Variants in FSTL4 observed in about 807,000 individuals in gnomAD.
FSTL4 encodes follistatin-related protein 4.
A neutral mutation model predicts 78.2 loss-of-function variants in FSTL4; 28 were observed. That is an observed-to-expected ratio of 0.36 (90% CI 0.27 to 0.49). The LOEUF is 0.49. Ranked by LOEUF, FSTL4 falls within the 20% of genes least tolerant of loss-of-function variation. The pLI, the probability that FSTL4 is intolerant of heterozygous loss-of-function variation, is 0.98. For missense variants in FSTL4, 922 were observed against 1,084.9 expected (o/e 0.85, Z 2.11); for synonymous variants, 422 against 440.5 (o/e 0.96, Z 0.53).
intron 6 of FSTL4, among the ~76,000 whole-genome samples, chr5:133,267,750 G>C (rs1752677714): frequency 6.6e-6 from 1 of 152,200 alleles, no homozygotes; most frequent in Non-Finnish European, 1.5e-5. Flanking sequence ...CTGCTAGATA[G>C]GTTCCAAGTG....
chr5:133,302,659 G>A (rs1031942754), intron 6 of FSTL4, among the ~76,000 whole-genome samples: 1 of 152,168 alleles, frequency 6.6e-6, no homozygotes, highest in Non-Finnish European at 1.5e-5. Context: ...GTGCCAAACC[G>A]AGGGGTGACT....
intron 3 of FSTL4, among the ~76,000 whole-genome samples, chr5:133,446,435 TAAC>T (rs1367409274): frequency 2.6e-5 from 4 of 152,084 alleles, no homozygotes; most frequent in African/African-American, 9.7e-5. Flanking sequence ...GACTCTGTCT[TAAC>T]AACAACAACC....
At chr5:133,358,591 CTTTTT>C (rs1173835923) in intron 4 of FSTL4, among the ~76,000 whole-genome samples, 2 of 115,424 alleles carry the variant, frequency 1.7e-5, no homozygotes. Context: ...GGTTCTATTT[CTTTTT>C]TTTTTTTTTT....
intron 4 of FSTL4, among the ~76,000 whole-genome samples, chr5:133,363,355 G>A (rs572026824): frequency 6.6e-6 from 1 of 152,118 alleles, no homozygotes; most frequent in Admixed American, 6.5e-5. Context: ...TCAGGTTATG[G>A]GGGAGTCATT....
intron 4 of FSTL4, among the ~76,000 whole-genome samples, chr5:133,372,269 G>GTATCTATCTATCTATC (rs70974084): frequency 7.0e-6 from 1 of 142,926 alleles, no homozygotes; most frequent in African/African-American, 2.6e-5. Flanking sequence ...ATGTATGTAT[G>GTATCTATCTATCTATC]TATCTATCTA....
rs531982578 is a variant in FSTL4 at position 133,228,180 on chromosome 5, T to C, written c.1016-2361A>G. ...AGGTTGAGGCTGTAGTGAGCCATGA[T>C]TGTGCCGCTGCACTCCAGCCTGGGT... On this transcript the variant is annotated intron_variant, in intron 8 of 15. Transcript: ENST00000265342. Among the ~76,000 whole-genome samples the C allele has an allele frequency of 8.3e-4, 127 of 152,288 alleles. 1 individual carries two copies. Among genetic ancestry groups the C allele is most frequent in the Non-Finnish European group, 1.4e-3 (96 of 68,036 alleles).
chr5:133,529,395 A>C (rs1561458178), intron 3 of FSTL4, among the ~76,000 whole-genome samples: 1 of 152,182 alleles, frequency 6.6e-6, no homozygotes, highest in African/African-American at 2.4e-5. Flanking sequence ...CTTCCCTATG[A>C]GACAAAAACC....
At chr5:133,800,421 C>T in the FSTL4 span, among the ~76,000 whole-genome samples, 1 of 138,604 alleles carries the variant, frequency 7.2e-6, no homozygotes, top group African/African-American at 2.6e-5. Flanking sequence ...CTAACACTAA[C>T]GATAGCTGAT....
the FSTL4 span, among the ~76,000 whole-genome samples, chr5:133,716,464 A>G: frequency 2.0e-5 from 3 of 151,940 alleles, no homozygotes; most frequent in African/African-American, 4.8e-5. Flanking sequence ...TGTTTGCCAA[A>G]TTTCATTTCA....
intron 3 of FSTL4, among the ~76,000 whole-genome samples, chr5:133,443,241 T>G (rs566386637): frequency 6.6e-6 from 1 of 152,236 alleles, no homozygotes; most frequent in African/African-American, 2.4e-5. Flanking sequence ...ATCATTCCTA[T>G]CTGAGATTTC....
the FSTL4 span, among the ~76,000 whole-genome samples, chr5:133,794,321 A>G: frequency 1.3e-5 from 2 of 152,226 alleles, no homozygotes; most frequent in African/African-American, 4.8e-5. Context: ...AGCGATGCAG[A>G]CATAACACTA....
chr5:133,787,477 A>C, the FSTL4 span, among the ~76,000 whole-genome samples: 1 of 152,198 alleles, frequency 6.6e-6, no homozygotes, highest in Non-Finnish European at 1.5e-5. Flanking sequence ...TCACAAAACC[A>C]TGTCTTCCTG....
intron 6 of FSTL4, among the ~76,000 whole-genome samples, chr5:133,287,739 G>A (rs112061902): frequency 3.3e-5 from 5 of 152,288 alleles, no homozygotes; most frequent in South Asian, 4.2e-4. Flanking sequence ...CAGCAGTGCC[G>A]TTTCTTGAAT....
the FSTL4 span, among the ~76,000 whole-genome samples, chr5:133,742,094 A>T: frequency 2.6e-5 from 4 of 152,358 alleles, no homozygotes; most frequent in Admixed American, 2.6e-4. Context: ...TCACTACATC[A>T]GTGCCATGGA....
the FSTL4 span, among the ~76,000 whole-genome samples, chr5:133,800,965 C>T: frequency 6.6e-6 from 1 of 152,206 alleles, no homozygotes; most frequent in Non-Finnish European, 1.5e-5. Context: ...TGGGGAGCAG[C>T]CTTCATCCAT....
chr5:133,536,533 T>A (rs1759352893), intron 3 of FSTL4, among the ~76,000 whole-genome samples: 1 of 152,126 alleles, frequency 6.6e-6, no homozygotes, highest in Admixed American at 6.5e-5. Flanking sequence ...AATGCCATAA[T>A]AAATATTTAA....
chr5:133,488,975 C>A (rs1215669309), intron 3 of FSTL4, among the ~76,000 whole-genome samples: 1 of 152,192 alleles, frequency 6.6e-6, no homozygotes, highest in Non-Finnish European at 1.5e-5. Flanking sequence ...TCTTGTCAAC[C>A]CCCCATTGGA....
intron 6 of FSTL4, among the ~76,000 whole-genome samples, chr5:133,289,662 C>G (rs1753211920): frequency 6.6e-6 from 1 of 152,212 alleles, no homozygotes; most frequent in Admixed American, 6.5e-5. Context: ...TCCAGCTTGC[C>G]CAACTCTGGG....
At chr5:133,437,218 C>T (rs1225960014) in intron 3 of FSTL4, among the ~76,000 whole-genome samples, 2 of 152,208 alleles carry the variant, frequency 1.3e-5, no homozygotes, top group East Asian at 1.9e-4. Context: ...TTTTAGTTGC[C>T]GGTGAGGCAC....
Sources: allele counts gnomAD v4.1 joint callset (sites outside exome capture counted in the v4.1 genomes callset), GRCh38; gene constraint gnomAD v4.1.1; transcripts MANE v1.5; gene names NCBI Gene and HGNC (gene_info 2026-07-23, HGNC 2026-07-21).